NRXN3: variants seen among roughly 807,000 people sequenced by gnomAD.
NRXN3 encodes the protein neurexin III.
A neutral mutation model predicts 137.6 loss-of-function variants in NRXN3; 32 were observed. That is an observed-to-expected ratio of 0.23 (90% CI 0.18 to 0.31). The LOEUF (loss-of-function observed/expected upper bound fraction) is 0.31, where lower values mean the gene tolerates loss of function less well. Ranked by LOEUF, NRXN3 falls within the 10% of genes least tolerant of loss-of-function variation. The pLI, the probability that NRXN3 is intolerant of heterozygous loss-of-function variation, is 1.00. For synonymous variants in NRXN3, 798 were observed against 784.5 expected, an observed-to-expected ratio of 1.02 and a Z score of -0.29; for missense variants, 1,574 against 2,062.5, an observed-to-expected ratio of 0.76 and a Z score of 4.59.
intron 17 of NRXN3, among the ~76,000 whole-genome samples, chr14:79,672,832 G>A (rs953155602): frequency 6.6e-6 from 1 of 152,062 alleles, no homozygotes; most frequent in Admixed American, 6.6e-5. Context: ...TATGGGAAAA[G>A]TTTCCAAGTT....
At chr14:78,365,975 T>C (rs1333512154) in intron 4 of NRXN3, among the ~76,000 whole-genome samples, 2 of 152,202 alleles carry the variant, frequency 1.3e-5, no homozygotes, top group Non-Finnish European at 2.9e-5. Context: ...CTTAAAACTA[T>C]GAACTCAGAC....
chr14:78,837,586 C>A (rs1011107993), intron 10 of NRXN3, among the ~76,000 whole-genome samples: 4 of 151,822 alleles, frequency 2.6e-5, no homozygotes, highest in African/African-American at 9.7e-5. Context: ...GAGCAAGTGT[C>A]CTTTGAGAAA....
chr14:79,003,795 C>T lies in NRXN3; in HGVS notation c.3262+15654C>T, dbSNP rs574868738. 2.4e-4 allele frequency among the ~76,000 whole-genome samples: 37 copies of T among 152,268 alleles called. No homozygotes were observed. In the South Asian group the frequency reaches 7.2e-3, roughly 30 times the overall value. ...ACCCTCCCTGTTACTCAGGGGTGCTCTATGATGGGCTCAGCTGCCGAACAT... is the reference window on the plus strand; with the variant it reads ...ACCCTCCCTGTTACTCAGGGGTGCTTTATGATGGGCTCAGCTGCCGAACAT... On this transcript the variant is annotated intron_variant, in intron 15 of 20. Coordinates refer to ENST00000335750, the MANE Select transcript of NRXN3 (RefSeq NM_001330195.2).
At chr14:78,976,947 A>T (rs894913040) in intron 14 of NRXN3, among the ~76,000 whole-genome samples, 1 of 152,212 alleles carries the variant, frequency 6.6e-6, no homozygotes, top group African/African-American at 2.4e-5. Context: ...TTGTATCTCC[A>T]TTGTGACTAC....
chr14:78,778,981 G>A lies in NRXN3; in HGVS notation c.2045-24639G>A, dbSNP rs74869093. ...ACCAAAGTCCAAATATGGATGCTCTGTCGTGGTGAGTCCACTTGTTACAAG... is the reference window on the plus strand; with the variant it reads ...ACCAAAGTCCAAATATGGATGCTCTATCGTGGTGAGTCCACTTGTTACAAG... On this transcript the variant is annotated intron_variant, in intron 8 of 20. Transcript: ENST00000335750. Among the ~76,000 whole-genome samples the A allele has an allele frequency of 5.6e-3, 855 of 151,896 alleles. 7 individuals are homozygous for A. The highest frequency in any genetic ancestry group is 0.032 in the East Asian group (167 of 5,158).
chr14:78,452,554 T>A (rs914927954), intron 4 of NRXN3, among the ~76,000 whole-genome samples: 2 of 152,214 alleles, frequency 1.3e-5, no homozygotes, highest in Admixed American at 6.5e-5. Flanking sequence ...TCTTTAATTT[T>A]TCCCACATTA....
chr14:79,033,037 C>T (rs1045740515), intron 15 of NRXN3, among the ~76,000 whole-genome samples: 2 of 152,022 alleles, frequency 1.3e-5, no homozygotes, highest in Non-Finnish European at 2.9e-5. Flanking sequence ...TCGCACTGCC[C>T]TTTTCTCATT....
intron 6 of NRXN3, among the ~76,000 whole-genome samples, chr14:78,698,530 T>G (rs533812621): frequency 2.0e-5 from 3 of 149,648 alleles, no homozygotes; most frequent in African/African-American, 4.9e-5. Context: ...TCTCAAAACA[T>G]TCATGTGTTT....
chr14:78,733,211 A>G (rs1159297312), intron 8 of NRXN3, among the ~76,000 whole-genome samples: 1 of 152,116 alleles, frequency 6.6e-6, no homozygotes, highest in Non-Finnish European at 1.5e-5. Context: ...TGCCTGCTGC[A>G]CTATTTTCTG....
chr14:78,217,507 T>C (rs969053578), intron 1 of NRXN3, among the ~76,000 whole-genome samples: 22 of 152,134 alleles, frequency 1.4e-4, no homozygotes, highest in African/African-American at 5.3e-4. Flanking sequence ...AGCACTCAGG[T>C]TGAGAAACTC....
At position 79,861,751 on chromosome 14, in the gene NRXN3, C is replaced by A; in HGVS notation, c.4503C>A (p.Gly1501=). Residue 1501 remains glycine (G), a synonymous_variant, in exon 21 of 21, where the codon GGC becomes GGA. Coordinates refer to ENST00000335750, the MANE Select transcript of NRXN3 (RefSeq NM_001330195.2). The surrounding 1 kb of genome is among the most constrained non-coding windows in gnomAD (Gnocchi z 5.4). ...ESSSTTGMVV[G]IVAAAALCIL... ...GCAGCACAACAGGGATGGTCGTCGG[C>A]ATTGTGGCTGCTGCCGCCCTCTGCA... 3 of 1,614,102 alleles carry A rather than the reference C, an allele frequency of 1.9e-6. No individual in the cohort carries two copies. The highest frequency in any genetic ancestry group is 1.7e-6 in the Non-Finnish European group (2 of 1,180,030).
intron 15 of NRXN3, among the ~76,000 whole-genome samples, chr14:79,298,193 A>C (rs1002564360): frequency 1.3e-5 from 2 of 152,078 alleles, no homozygotes; most frequent in African/African-American, 4.8e-5. Context: ...TTTTATATCC[A>C]TCAGATTTTC....
At chr14:78,267,835 C>T (rs370170949) in intron 2 of NRXN3, among the ~76,000 whole-genome samples, 16 of 152,274 alleles carry the variant, frequency 1.1e-4, no homozygotes, top group South Asian at 4.2e-4. Context: ...ATGTTTACAT[C>T]GTCTCTTGGT....
At position 79,067,643 on chromosome 14, in the gene NRXN3, C is replaced by T. The variant is rs183634039; in HGVS notation, c.3262+79502C>T. 3.2e-3 allele frequency among the ~76,000 whole-genome samples: 487 copies of T among 152,142 alleles called. 1 individual carries two copies. Among genetic ancestry groups the T allele is most frequent in the South Asian group, 6.2e-3 (30 of 4,818 alleles). On this transcript the variant is annotated intron_variant, in intron 15 of 20. Transcript: ENST00000335750. ...ATTCTCTACTGCCTCAATTTCAGAA[C>T]GTGGTCTATTCAGGGATTCAGTATT...
chr14:79,680,780 C>A (rs2098666265), intron 17 of NRXN3, among the ~76,000 whole-genome samples: 1 of 152,130 alleles, frequency 6.6e-6, no homozygotes, highest in Non-Finnish European at 1.5e-5. Context: ...GCCAGCAAGT[C>A]TTACTAGTAA....
intron 6 of NRXN3, among the ~76,000 whole-genome samples, chr14:78,665,688 G>A (rs186263223): frequency 7.4e-4 from 113 of 152,232 alleles, no homozygotes; most frequent in African/African-American, 2.5e-3. Flanking sequence ...AAACCTTGGG[G>A]AGAGGCCATT....
intron 15 of NRXN3, among the ~76,000 whole-genome samples, chr14:79,361,755 A>T (rs2093689407): frequency 6.6e-6 from 1 of 152,098 alleles, no homozygotes; most frequent in Admixed American, 6.6e-5. Context: ...ACATAATAAA[A>T]TGACTGATAT....
chr14:79,302,234 G>C (rs1004940640), intron 15 of NRXN3, among the ~76,000 whole-genome samples: 1 of 151,982 alleles, frequency 6.6e-6, no homozygotes, highest in African/African-American at 2.4e-5. Context: ...TTACAAGATA[G>C]ATATCACTAT....
At chr14:79,267,719 G>A (rs1406929067) in intron 15 of NRXN3, among the ~76,000 whole-genome samples, 4 of 151,950 alleles carry the variant, frequency 2.6e-5, no homozygotes, top group African/African-American at 9.7e-5. Context: ...CTGGCCTCAA[G>A]TGATTCCCCC....
Sources: allele counts gnomAD v4.1 joint callset (sites outside exome capture counted in the v4.1 genomes callset), GRCh38; gene constraint gnomAD v4.1.1; non-coding constraint Gnocchi (gnomAD v3.1); transcripts MANE v1.5; gene names NCBI Gene and HGNC (gene_info 2026-07-23, HGNC 2026-07-21).